EYS: variants seen among roughly 807,000 people sequenced by gnomAD.
EYS encodes protein eyes shut homolog.
A neutral mutation model predicts 282.1 loss-of-function variants in EYS; 250 were observed. The ratio of observed to expected loss-of-function variants is 0.89; its 90% CI spans 0.80 to 0.98. The LOEUF (loss-of-function observed/expected upper bound fraction) is 0.98. EYS is among the 50% of genes least tolerant of loss of function. EYS has a pLI of 0.00. For missense variants in EYS, 4,016 were observed against 3,709.0 expected, an observed-to-expected ratio of 1.08 and a Z score of -2.15; for synonymous variants, 1,355 against 1,282.9, an observed-to-expected ratio of 1.06 and a Z score of -1.20.
intron 12 of EYS, among the ~76,000 whole-genome samples, chr6:65,101,956 T>C (rs1230619309): frequency 6.6e-6 from 1 of 151,272 alleles, no homozygotes; most frequent in Non-Finnish European, 1.5e-5. Flanking sequence ...CTTATGAACT[T>C]GAAACAATTT....
At chr6:64,387,966 C>A (rs1014802508) in intron 29 of EYS, among the ~76,000 whole-genome samples, 2 of 151,940 alleles carry the variant, frequency 1.3e-5, no homozygotes, top group Non-Finnish European at 2.9e-5. Context: ...GAAACAATAG[C>A]ATTTTATATT....
Position 65,676,273 on chromosome 6 carries a change from T to G in EYS, c.-448+30862A>C, listed in dbSNP as rs1768588221. ...GAAAATAGAAAAACAATTTTAAAAA[T>G]CAACAAAAATAAGAATTGGTTTATT... On this transcript the variant is annotated intron_variant, in intron 1 of 42. Coordinates refer to ENST00000503581, the MANE Select transcript of EYS (RefSeq NM_001142800.2). Among the ~76,000 whole-genome samples the G allele has an allele frequency of 4.0e-5, 6 of 151,588 alleles. No individual in the cohort carries two copies. The South Asian group carries it at 1.2e-3, about 31-fold the overall frequency.
intron 2 of EYS, among the ~76,000 whole-genome samples, chr6:65,624,388 C>G (rs896789137): frequency 6.6e-6 from 1 of 152,134 alleles, no homozygotes; most frequent in Non-Finnish European, 1.5e-5. Flanking sequence ...GATGAGGAGA[C>G]TATCCTGGAT....
chr6:65,287,234 T>G (rs1768392133), intron 12 of EYS, among the ~76,000 whole-genome samples: 1 of 151,548 alleles, frequency 6.6e-6, no homozygotes, highest in African/African-American at 2.4e-5. Flanking sequence ...CTCACACCTA[T>G]AATTTTACTA....
At chr6:65,284,384 G>A (rs1768303203) in intron 12 of EYS, among the ~76,000 whole-genome samples, 1 of 151,630 alleles carries the variant, frequency 6.6e-6, no homozygotes, top group Non-Finnish European at 1.5e-5. Context: ...TTTTTTGCAG[G>A]TGATTTTTAA....
At chr6:65,598,234 A>ACC (rs377147776) in intron 2 of EYS, among the ~76,000 whole-genome samples, 16 of 11,816 alleles carry the variant, frequency 1.4e-3, no homozygotes, top group African/African-American at 5.0e-3. Flanking sequence ...CCTCCTCCCC[A>ACC]CCCACCCCCC....
chr6:65,667,544 G>A (rs1024570836), intron 1 of EYS, among the ~76,000 whole-genome samples: 1 of 151,734 alleles, frequency 6.6e-6, no homozygotes, highest in African/African-American at 2.4e-5. Context: ...CCTCTTTTCA[G>A]AGGACTTTCC....
chr6:65,615,384 A>ATT (rs1023475205), intron 2 of EYS, among the ~76,000 whole-genome samples: 19 of 90,414 alleles, frequency 2.1e-4, no homozygotes, highest in African/African-American at 7.8e-4. Context: ...CATTTTATTT[A>ATT]TTTATATATA....
At chr6:65,190,037 G>A (rs1349319029) in intron 12 of EYS, among the ~76,000 whole-genome samples, 1 of 151,432 alleles carries the variant, frequency 6.6e-6, no homozygotes, top group Non-Finnish European at 1.5e-5. Context: ...ATATTCCCTA[G>A]TGTTTGCAAG....
chr6:64,360,999 A>G (rs1771983100), intron 29 of EYS, among the ~76,000 whole-genome samples: 1 of 151,552 alleles, frequency 6.6e-6, no homozygotes, highest in Non-Finnish European at 1.5e-5. Flanking sequence ...TTCCTTGAAA[A>G]CCTGAGGAAA....
intron 22 of EYS, among the ~76,000 whole-genome samples, chr6:64,661,905 A>C (rs1359769931): frequency 6.8e-6 from 1 of 146,916 alleles, no homozygotes; most frequent in Non-Finnish European, 1.5e-5. Context: ...AGTATTATAA[A>C]TCATGCTGCT....
chr6:64,251,105 T>C (rs1469486953), intron 30 of EYS, among the ~76,000 whole-genome samples: 2 of 152,186 alleles, frequency 1.3e-5, no homozygotes, highest in Non-Finnish European at 2.9e-5. Flanking sequence ...CGTTTATTAA[T>C]GGCTTGTCTG....
chr6:64,968,374 T>C (rs1052676845), intron 14 of EYS, among the ~76,000 whole-genome samples: 1 of 152,174 alleles, frequency 6.6e-6, no homozygotes, highest in Non-Finnish European at 1.5e-5. Context: ...TAAAAAATAA[T>C]TTTGCTGATC....
intron 22 of EYS, among the ~76,000 whole-genome samples, chr6:64,803,903 C>T (rs1412743519): frequency 6.6e-6 from 1 of 152,184 alleles, no homozygotes; most frequent in Non-Finnish European, 1.5e-5. Context: ...ATGGGGTAGG[C>T]TCTCCAGGGC....
intron 1 of EYS, among the ~76,000 whole-genome samples, chr6:65,662,490 A>C (rs1163936534): frequency 6.6e-6 from 1 of 152,198 alleles, no homozygotes; most frequent in African/African-American, 2.4e-5. Context: ...AATTTAGAAC[A>C]ATCTATTTTG....
At chr6:65,163,978 T>C (rs1310245665) in intron 12 of EYS, among the ~76,000 whole-genome samples, 1 of 151,234 alleles carries the variant, frequency 6.6e-6, no homozygotes, top group East Asian at 2.0e-4. Context: ...TCCCTGAGAC[T>C]AAAACAAGTG....
intron 22 of EYS, among the ~76,000 whole-genome samples, chr6:64,716,766 A>AC (rs1554196462): frequency 6.6e-6 from 1 of 151,448 alleles, no homozygotes; most frequent in Non-Finnish European, 1.5e-5. Context: ...TTACGTTGAT[A>AC]TTTTTTTTTC....
rs528353028 is a variant in EYS, at chr6:64,169,955, C to T, written c.6424+60637G>A. On this transcript the variant is annotated intron_variant, in intron 31 of 42. Transcript: ENST00000503581. Reference sequence around the variant, plus strand: ...TAACACTGGGTATTTAAACCCCTTGCTTGGATAAATAGGGAAACGAATATA... The same window carrying T: ...TAACACTGGGTATTTAAACCCCTTGTTTGGATAAATAGGGAAACGAATATA... Among the ~76,000 whole-genome samples, 4 of 152,174 alleles carry T rather than the reference C, an allele frequency of 2.6e-5. No homozygotes were observed. The South Asian group carries it at 8.3e-4, about 32-fold the overall frequency.
intron 12 of EYS, among the ~76,000 whole-genome samples, chr6:65,065,511 T>C (rs550916790): frequency 9.9e-5 from 15 of 151,430 alleles, no homozygotes; most frequent in Admixed American, 2.0e-4. Flanking sequence ...GCCTCCAGGG[T>C]AGCTGGGACT....
Sources: gnomAD v4.1 joint callset for allele counts (sites outside exome capture counted in the v4.1 genomes callset) on GRCh38, gnomAD v4.1.1 for gene constraint, MANE v1.5 for transcripts, NCBI Gene and HGNC (gene_info 2026-07-23, HGNC 2026-07-21) for gene names.